The following MOB3A variants were observed in gnomAD, a reference collection of about 807,000 sequenced individuals.
MOB3A encodes MOB LAK.
Under a neutral mutation model 17.8 loss-of-function variants are expected in MOB3A, and 17 were observed. That is an observed-to-expected ratio of 0.95 (90% CI 0.65 to 1.43). The LOEUF (loss-of-function observed/expected upper bound fraction) is 1.43, where lower values mean the gene tolerates loss of function less well. MOB3A is among the 40% of genes most tolerant of loss of function. The pLI is 0.00. For synonymous variants in MOB3A, 124 were observed against 133.2 expected (o/e 0.93, Z 0.48); for missense variants, 333 against 310.8 (o/e 1.07, Z -0.54).
intron 2 of MOB3A, among the ~76,000 whole-genome samples, chr19:2,081,320 G>A (rs558310239): frequency 9.2e-5 from 14 of 152,340 alleles, no homozygotes; most frequent in South Asian, 6.2e-4. Context: ...GGGCGTGGTG[G>A]CTCACGCCTG....
At position 2,093,040 on chromosome 19, in the gene MOB3A, G is replaced by A. The variant is rs937745165; in HGVS notation, c.-274+3186C>T. On this transcript the variant is annotated intron_variant, in intron 1 of 4. Coordinates refer to ENST00000357066, the MANE Select transcript of MOB3A (RefSeq NM_130807.3). This position sits in a 1 kb window ranked among gnomAD's most constrained non-coding sequence, Gnocchi z 4.6. The stretch of plus-strand genomic sequence containing the variant: ...CAGGAAAACAGGAACAGAGCTCATC[G>A]GCTGGGGAAGGTCTAAAACTCCCCA... Among the ~76,000 whole-genome samples the A allele has an allele frequency of 1.1e-4, 16 of 152,114 alleles. No individual in the cohort carries two copies. Among genetic ancestry groups the A allele is most frequent in the Admixed American group, 2.6e-4 (4 of 15,268 alleles).
chr19:2,087,792 A>C (rs2144934603), intron 1 of MOB3A, among the ~76,000 whole-genome samples: 1 of 152,358 alleles, frequency 6.6e-6, no homozygotes, highest in African/African-American at 2.4e-5. Context: ...AGGAAGCCAC[A>C]GGGAGGAACG....
At chr19:2,083,330 G>A (rs561657793) in intron 2 of MOB3A, among the ~76,000 whole-genome samples, 8 of 152,282 alleles carry the variant, frequency 5.3e-5, no homozygotes, top group East Asian at 1.9e-4. Flanking sequence ...GAGGCCCTTC[G>A]CCAGTGACAG....
intron 2 of MOB3A, 57 bp from the exon 3 acceptor site, chr19:2,078,736 C>G (rs371008996): frequency 1.7e-6 from 1 of 605,768 alleles, no homozygotes; most frequent in African/African-American, 1.9e-5. Context: ...CCCGGAAACT[C>G]GTGCTGAGGG....
In MOB3A at chr19:2,093,637, C is replaced by T. The variant is rs1041339128; in HGVS notation, c.-274+2589G>A. Among the ~76,000 whole-genome samples the T allele has an allele frequency of 4.6e-5, 7 of 152,076 alleles. No individual in the cohort carries two copies. Among genetic ancestry groups the T allele is most frequent in the African/African-American group, 9.7e-5 (4 of 41,392 alleles). ...GCTGGGATTACAGGTATGAGCCACC[C>T]GCACCTGGCCAGCACATCCCAATTC... is the stretch of plus-strand genomic sequence containing the variant. On this transcript the variant is annotated intron_variant, in intron 1 of 4. Coordinates refer to ENST00000357066, the MANE Select transcript of MOB3A (RefSeq NM_130807.3). The surrounding 1 kb of genome is among the most constrained non-coding windows in gnomAD (Gnocchi z 4.6).
intron 1 of MOB3A, among the ~76,000 whole-genome samples, chr19:2,089,382 C>T (rs2017587888): frequency 6.6e-6 from 1 of 152,218 alleles, no homozygotes; most frequent in Non-Finnish European, 1.5e-5. Context: ...CCACTCTCTG[C>T]ACTGTGGACA....
At chr19:2,083,126 C>A (rs1174958896) in intron 2 of MOB3A, among the ~76,000 whole-genome samples, 1 of 152,238 alleles carries the variant, frequency 6.6e-6, no homozygotes, top group Non-Finnish European at 1.5e-5. Flanking sequence ...AGATCACTGG[C>A]GTGAGCCACT....
Position 2,078,644 on chromosome 19 carries a change from G to C in MOB3A, c.-84C>G. ...GGTGCTGACCAACCCGAGAGGCCACGAAACACTCACCAAGCCCCACAGCTC... is the reference window on the plus strand; with the variant it reads ...GGTGCTGACCAACCCGAGAGGCCACCAAACACTCACCAAGCCCCACAGCTC... On this transcript the variant is annotated 5_prime_UTR_variant, in exon 3 of 5. Transcript: ENST00000357066. 7.3e-7 allele frequency: 1 copy of C among 1,360,574 alleles called. No homozygotes were observed. 84.3% of individuals were successfully genotyped at this position (1,360,574 alleles called of 1,614,324 possible).
chr19:2,092,944 C>G (rs2017630033), intron 1 of MOB3A, among the ~76,000 whole-genome samples: 1 of 152,036 alleles, frequency 6.6e-6, no homozygotes, highest in South Asian at 2.1e-4. Context: ...GAAGTGAAGG[C>G]CTCCTCCCAG....
intron 4 of MOB3A, among the ~76,000 whole-genome samples, chr19:2,075,082 A>G (rs2017387956): frequency 6.7e-6 from 1 of 149,922 alleles, no homozygotes; most frequent in African/African-American, 2.5e-5. Context: ...AGGCTGGACT[A>G]CAGTGGCGTG....
chr19:2,082,574 G>A lies in MOB3A; in HGVS notation c.-120+2601C>T, dbSNP rs2017502691. ...GTCTCGAACCCTGGACTCTGTGGGT[G>A]AAGCCACCGCTCTTTCTGCCCCACA... On this transcript the variant is annotated intron_variant, in intron 2 of 4. Transcript: ENST00000357066. The surrounding 1 kb of genome is among the most constrained non-coding windows in gnomAD (Gnocchi z 4.1). Among the ~76,000 whole-genome samples the A allele has an allele frequency of 6.6e-6, 1 of 152,190 alleles. No homozygotes were observed. Among genetic ancestry groups the A allele is most frequent in the African/African-American group, 2.4e-5 (1 of 41,446 alleles).
In MOB3A at chr19:2,092,389, T is replaced by C. The variant is rs562619530; in HGVS notation, c.-274+3837A>G. On this transcript the variant is annotated intron_variant, in intron 1 of 4. Transcript: ENST00000357066. ...GTGCTGGGATCACAGGCATGAGCCATAGCGCCCGACCCTCTGTGAATCTTT... is the reference window on the plus strand; with the variant it reads ...GTGCTGGGATCACAGGCATGAGCCACAGCGCCCGACCCTCTGTGAATCTTT... Among the ~76,000 whole-genome samples, 4 of 152,220 alleles carry C rather than the reference T, an allele frequency of 2.6e-5. No individual in the cohort carries two copies. In the East Asian group the frequency reaches 7.8e-4, roughly 30 times the overall value.
chr19:2,077,902 G>A (rs2017432684), intron 3 of MOB3A, among the ~76,000 whole-genome samples: 1 of 151,808 alleles, frequency 6.6e-6, no homozygotes, highest in Non-Finnish European at 1.5e-5. Context: ...TCCCACCTTA[G>A]CCTCCCGAGT....
chr19:2,076,401 C>T (rs1433020865), intron 4 of MOB3A, among the ~76,000 whole-genome samples: 1 of 152,180 alleles, frequency 6.6e-6, no homozygotes, highest in Non-Finnish European at 1.5e-5. Flanking sequence ...CACTGCACTC[C>T]AGCCTGGGTG....
At position 2,073,332 on chromosome 19, in the gene MOB3A, C is replaced by T. The variant is rs150549861; in HGVS notation, c.*63G>A. On this transcript the variant is annotated 3_prime_UTR_variant, in exon 5 of 5. Coordinates refer to ENST00000357066, the MANE Select transcript of MOB3A (RefSeq NM_130807.3). ...GAGAAGCGGGATGATGGTTCCAGAG[C>T]GTCCTCCTCCAAGTCTCCGAGGCCC... is the stretch of plus-strand genomic sequence containing the variant. The T allele has an allele frequency of 0.01, 16,042 of 1,589,760 alleles. 126 individuals are homozygous for T. The highest frequency in any genetic ancestry group is 0.028 in the South Asian group (2,510 of 90,644).
rs962141586 is a variant in MOB3A, at chr19:2,073,191, C to T, written c.*204G>A. Reference sequence around the variant, plus strand: ...ACAGAGTTCACGTTTTAGTCCCAGACGGGAGACTGAGGCTCGAGACTGAGG... The same window carrying T: ...ACAGAGTTCACGTTTTAGTCCCAGATGGGAGACTGAGGCTCGAGACTGAGG... On this transcript the variant is annotated 3_prime_UTR_variant, in exon 5 of 5. Transcript: ENST00000357066. 2.6e-5 allele frequency: 17 copies of T among 651,134 alleles called. No homozygotes were observed. The highest frequency in any genetic ancestry group is 5.4e-5 in the African/African-American group (3 of 55,356). The allele number at this position is 651,134 out of a possible 1,614,324, so 40.3% of individuals were successfully genotyped here.
intron 4 of MOB3A, among the ~76,000 whole-genome samples, chr19:2,075,451 T>C (rs946010390): frequency 7.9e-5 from 12 of 151,972 alleles, no homozygotes; most frequent in African/African-American, 2.9e-4. Flanking sequence ...CTGGGCATCA[T>C]AGTGAGACCC....
intron 2 of MOB3A, among the ~76,000 whole-genome samples, chr19:2,080,150 G>C (rs1019881059): frequency 6.6e-6 from 1 of 152,212 alleles, no homozygotes; most frequent in Admixed American, 6.5e-5. Context: ...GCTCTGCTGG[G>C]TGCACCTTCT....
At chr19:2,095,970 C>T (rs2017684607) in intron 1 of MOB3A, among the ~76,000 whole-genome samples, 1 of 152,092 alleles carries the variant, frequency 6.6e-6, no homozygotes, top group Admixed American at 6.5e-5. Flanking sequence ...TCTCGAACTC[C>T]CGACCTCAGG....
Sources: allele counts gnomAD v4.1 joint callset (sites outside exome capture counted in the v4.1 genomes callset), GRCh38; gene constraint gnomAD v4.1.1; non-coding constraint Gnocchi (gnomAD v3.1); transcripts MANE v1.5; gene names NCBI Gene and HGNC (gene_info 2026-07-23, HGNC 2026-07-21).